The following PPP2R2B variants were observed in gnomAD, a reference collection of about 807,000 sequenced individuals.
The protein encoded by PPP2R2B is serine/threonine-protein phosphatase 2A 55 kDa regulatory subunit B beta isoform.
In PPP2R2B, 5 loss-of-function variants were observed where a neutral mutation model predicts 46.0. The observed-to-expected ratio is 0.11, with a 90% CI of 0.06 to 0.23. PPP2R2B has a LOEUF of 0.23. PPP2R2B is among the 10% of genes least tolerant of loss of function. PPP2R2B has a pLI of 1.00. For synonymous variants in PPP2R2B, 215 were observed against 206.7 expected, an observed-to-expected ratio of 1.04 and a Z score of -0.34; for missense variants, 367 against 575.0, an observed-to-expected ratio of 0.64 and a Z score of 3.70.
At chr5:147,070,590 C>A (rs1757557019) in intron 2 of PPP2R2B, among the ~76,000 whole-genome samples, 1 of 152,200 alleles carries the variant, frequency 6.6e-6, no homozygotes. Context: ...CAAGACAAAT[C>A]CGTCTAGAGA....
At chr5:147,019,526 G>A (rs1755163069) in intron 1 of PPP2R2B, among the ~76,000 whole-genome samples, 1 of 152,124 alleles carries the variant, frequency 6.6e-6, no homozygotes, top group Non-Finnish European at 1.5e-5. Flanking sequence ...AAAGGATTGA[G>A]CTACAAAACC....
At chr5:146,620,640 G>T (rs1191443762) in intron 7 of PPP2R2B, among the ~76,000 whole-genome samples, 1 of 152,068 alleles carries the variant, frequency 6.6e-6, no homozygotes, top group Non-Finnish European at 1.5e-5. Context: ...ACAGCCAGTG[G>T]GCTCCGGGAA....
At chr5:147,034,155 T>A (rs936586699) in intron 1 of PPP2R2B, among the ~76,000 whole-genome samples, 7 of 152,142 alleles carry the variant, frequency 4.6e-5, no homozygotes, top group African/African-American at 1.7e-4. Context: ...CATTATTGCT[T>A]AAGGTCCCTT....
At chr5:146,673,840 C>G (rs950050063) in intron 5 of PPP2R2B, among the ~76,000 whole-genome samples, 2 of 152,180 alleles carry the variant, frequency 1.3e-5, no homozygotes, top group African/African-American at 4.8e-5. Context: ...CTCCCTTTAT[C>G]CACAGAATCT....
At chr5:146,929,172 T>A (rs1763885252) in intron 1 of PPP2R2B, among the ~76,000 whole-genome samples, 2 of 152,176 alleles carry the variant, frequency 1.3e-5, no homozygotes, top group South Asian at 4.2e-4. Flanking sequence ...TCCCTCTCAC[T>A]CATTCCCACA....
intron 2 of PPP2R2B, among the ~76,000 whole-genome samples, chr5:146,826,844 C>G (rs773988564): frequency 1.3e-4 from 20 of 152,052 alleles, no homozygotes; most frequent in Non-Finnish European, 2.5e-4. Context: ...TCACTTCTGC[C>G]TACACCATAC....
chr5:146,793,933 TGCAGC>T (rs2151297268), intron 2 of PPP2R2B, among the ~76,000 whole-genome samples: 1 of 152,310 alleles, frequency 6.6e-6, no homozygotes, highest in South Asian at 2.1e-4. Flanking sequence ...ATTCACTAGA[TGCAGC>T]TTTCTAGGTG....
chr5:147,060,650 A>C (rs375977295), upstream of PPP2R2B, among the ~76,000 whole-genome samples: 228 of 152,206 alleles, frequency 1.5e-3, no homozygotes, highest in African/African-American at 5.2e-3. Context: ...GAAACAACAA[A>C]AAAACAAAAC....
intron 2 of PPP2R2B, among the ~76,000 whole-genome samples, chr5:146,739,546 T>C (rs977806672): frequency 2.6e-5 from 4 of 152,158 alleles, no homozygotes; most frequent in African/African-American, 9.7e-5. Context: ...GTGCCAGGGC[T>C]GGGCAAAGGA....
chr5:146,884,181 C>T (rs1351521811), intron 1 of PPP2R2B, among the ~76,000 whole-genome samples: 1 of 150,660 alleles, frequency 6.6e-6, no homozygotes, highest in Non-Finnish European at 1.5e-5. Flanking sequence ...TGTCTTTCCC[C>T]TCATCTCTGT....
At chr5:146,862,417 T>A (rs1363501481) in intron 2 of PPP2R2B, among the ~76,000 whole-genome samples, 1 of 152,246 alleles carries the variant, frequency 6.6e-6, no homozygotes, top group Non-Finnish European at 1.5e-5. Context: ...GCAGGATCTG[T>A]GTCTTTAGAT....
chr5:146,802,930 T>A (rs1246978762), intron 2 of PPP2R2B, among the ~76,000 whole-genome samples: 1 of 152,174 alleles, frequency 6.6e-6, no homozygotes, highest in African/African-American at 2.4e-5. Flanking sequence ...AAGCTTCGGA[T>A]AAATTTTACT....
intron 2 of PPP2R2B, among the ~76,000 whole-genome samples, chr5:146,836,439 T>C (rs189156202): frequency 2.0e-5 from 3 of 152,348 alleles, no homozygotes; most frequent in African/African-American, 7.2e-5. Flanking sequence ...GATTAAGAGA[T>C]GGCACTGTCC....
intron 2 of PPP2R2B, among the ~76,000 whole-genome samples, chr5:147,080,234 A>T (rs1757934732): frequency 6.6e-6 from 1 of 152,226 alleles, no homozygotes; most frequent in Non-Finnish European, 1.5e-5. Flanking sequence ...TATAGTGTTC[A>T]ATCCTGTCAA....
intron 2 of PPP2R2B, among the ~76,000 whole-genome samples, chr5:147,070,317 A>T (rs1580882781): frequency 1.3e-5 from 2 of 152,214 alleles, no homozygotes; most frequent in East Asian, 3.9e-4. Flanking sequence ...ATTGGTATAA[A>T]GTTATTTATA....
chr5:146,994,015 T>C (rs1479695699), intron 1 of PPP2R2B, among the ~76,000 whole-genome samples: 2 of 152,108 alleles, frequency 1.3e-5, no homozygotes, highest in Non-Finnish European at 2.9e-5. Flanking sequence ...TTGGACTCAC[T>C]TCAGGAATAG....
chr5:146,796,674 C>G (rs1756559208), intron 2 of PPP2R2B, among the ~76,000 whole-genome samples: 2 of 152,118 alleles, frequency 1.3e-5, no homozygotes, highest in African/African-American at 4.8e-5. Context: ...TTTGGGAAGT[C>G]CTATTTACAA....
chr5:146,813,520 G>A (rs1182186361), intron 2 of PPP2R2B, among the ~76,000 whole-genome samples: 2 of 152,166 alleles, frequency 1.3e-5, no homozygotes, highest in Non-Finnish European at 1.5e-5. Flanking sequence ...CGGTTCCATG[G>A]AGACAAATCC....
At chr5:146,752,502 CACTGAAATGCA>C (rs1753617642) in intron 2 of PPP2R2B, among the ~76,000 whole-genome samples, 1 of 152,150 alleles carries the variant, frequency 6.6e-6, no homozygotes, top group Non-Finnish European at 1.5e-5. Context: ...CCGGATTCCC[CACTGAAATGCA>C]AGACCTAAGA....
Sources: gnomAD v4.1 joint callset for allele counts (sites outside exome capture counted in the v4.1 genomes callset) on GRCh38, gnomAD v4.1.1 for gene constraint, MANE v1.5 for transcripts, NCBI Gene and HGNC (gene_info 2026-07-23, HGNC 2026-07-21) for gene names.